ANKRD36: variants seen among roughly 807,000 people sequenced by gnomAD.
ANKRD36 encodes the protein ankyrin repeat domain-containing protein 36A.
ANKRD36 carries 179 observed loss-of-function variants against 278.1 expected under a neutral mutation model. That is an observed-to-expected ratio of 0.64 (90% CI 0.57 to 0.73). The LOEUF is 0.73. Among genes scored for constraint, ANKRD36 ranks in the 30% least tolerant of loss-of-function variants. The pLI is 0.00. For synonymous variants in ANKRD36, 320 were observed against 641.1 expected (o/e 0.50, Z 7.57); for missense variants, 1,159 against 1,956.7 (o/e 0.59, Z 7.69).
At chr2:97,184,835 G>A (rs1425335936) in intron 28 of ANKRD36, among the ~76,000 whole-genome samples, 1 of 151,752 alleles carries the variant, frequency 6.6e-6, no homozygotes, top group Non-Finnish European at 1.5e-5. Context: ...GACGTGAAGT[G>A]TACATTCATC....
intron 66 of ANKRD36, among the ~76,000 whole-genome samples, chr2:97,220,777 T>TTTTTTTTTTTTTTTTTTTAA (rs2067368758): frequency 1.1e-5 from 1 of 94,508 alleles, no homozygotes; most frequent in African/African-American, 8.6e-5. Context: ...TTTTTTTAAT[T>TTTTTTTTTTTTTTTTTTTAA]TTTTTTTTTT....
chr2:97,190,633 T>G (rs1296079425), intron 34 of ANKRD36, among the ~76,000 whole-genome samples: 1 of 151,606 alleles, frequency 6.6e-6, no homozygotes, highest in Non-Finnish European at 1.5e-5. Flanking sequence ...TAGCACCTGC[T>G]TTGACATTGA....
In ANKRD36 at chr2:97,217,805, T is replaced by C. The variant is rs367618460; in HGVS notation, c.3775+433T>C. 3.8e-4 allele frequency among the ~76,000 whole-genome samples: 57 copies of C among 151,694 alleles called. No individual in the cohort carries two copies. In the East Asian group the frequency reaches 0.011, roughly 29 times the overall value. Reference sequence around the variant, plus strand: ...AAACACTGGAGAATGAGGAGCAAGGTGACCACTGATGTAGTAATTATTTTC... The same window carrying C: ...AAACACTGGAGAATGAGGAGCAAGGCGACCACTGATGTAGTAATTATTTTC... On this transcript the variant is annotated intron_variant, in intron 64 of 75. Transcript: ENST00000420699.
intron 62 of ANKRD36, 155 bp downstream of exon 62, chr2:97,215,652 G>T: frequency 6.5e-7 from 1 of 1,544,046 alleles, no homozygotes; most frequent in Middle Eastern, 1.7e-4. Flanking sequence ...TGACCCTGAT[G>T]GTGCTGGTCC....
At chr2:97,206,875 T>C (rs1399675359) in intron 52 of ANKRD36, among the ~76,000 whole-genome samples, 5 of 151,474 alleles carry the variant, frequency 3.3e-5, no homozygotes, top group East Asian at 1.9e-4. Flanking sequence ...AATACATTGG[T>C]TTCCTTGTTC....
chr2:97,172,214 T>C (rs1255771047), intron 22 of ANKRD36, among the ~76,000 whole-genome samples: 1 of 151,828 alleles, frequency 6.6e-6, no homozygotes, highest in African/African-American at 2.4e-5. Context: ...CTTGATTTTG[T>C]ATATTAAAAA....
At chr2:97,178,133 A>G (rs902402260) in intron 22 of ANKRD36, among the ~76,000 whole-genome samples, 57 of 151,012 alleles carry the variant, frequency 3.8e-4, no homozygotes, top group African/African-American at 1.4e-3. Context: ...ATGAGATACC[A>G]TCTCACACCA....
Position 97,264,497 on chromosome 2 carries a change from G to A in ANKRD36, c.*175G>A, listed in dbSNP as rs879712900. ...AGGAAAATTGTGAAAATAATCAGCA[G>A]CCGGATGTGGATAACCCTTTCAAAT... is the stretch of plus-strand genomic sequence containing the variant. On this transcript the variant is annotated 3_prime_UTR_variant, in exon 76 of 76. Coordinates refer to ENST00000420699, the MANE Select transcript of ANKRD36 (RefSeq NM_001354587.1). The A allele has an allele frequency of 0.092, 5,682 of 61,436 alleles. 113 individuals are homozygous for A. Among genetic ancestry groups the A allele is most frequent in the African/African-American group, 0.27 (768 of 2,872 alleles). The allele number at this position is 61,436 out of a possible 1,614,324, so 3.8% of individuals were successfully genotyped here. A position where few individuals can be genotyped will look rare whatever the true frequency, so the allele number is the denominator to read the frequency against.
intron 67 of ANKRD36, among the ~76,000 whole-genome samples, chr2:97,230,081 CA>C (rs2071396786): frequency 6.6e-6 from 1 of 152,104 alleles, no homozygotes; most frequent in South Asian, 2.1e-4. Flanking sequence ...TTTTTTCCTT[CA>C]TTTCAACTTT....
chr2:97,118,290 A>C (rs1385829417), intron 2 of ANKRD36, 54 bp from the exon 3 acceptor site: 19 of 1,611,006 alleles, frequency 1.2e-5, no homozygotes, highest in Non-Finnish European at 1.5e-5. Flanking sequence ...AATCCTACGG[A>C]GTGTTTATTT....
At chr2:97,207,045 A>G (rs956474994) in intron 52 of ANKRD36, among the ~76,000 whole-genome samples, 1 of 151,584 alleles carries the variant, frequency 6.6e-6, no homozygotes, top group Non-Finnish European at 1.5e-5. Flanking sequence ...TTTCTGAATG[A>G]AAAACTGATC....
chr2:97,226,737 T>C (rs1427843208), intron 67 of ANKRD36, among the ~76,000 whole-genome samples: 3 of 151,714 alleles, frequency 2.0e-5, no homozygotes, highest in African/African-American at 4.8e-5. Context: ...TAGGTTTTCT[T>C]CTAGGGTTTT....
intron 38 of ANKRD36, among the ~76,000 whole-genome samples, chr2:97,194,510 T>C (rs77475041): frequency 6.6e-6 from 1 of 151,606 alleles, no homozygotes; most frequent in South Asian, 2.1e-4. Flanking sequence ...AAAATCATAC[T>C]GTGTTTGAAA....
chr2:97,139,377 A>G (rs1440836041), intron 6 of ANKRD36, among the ~76,000 whole-genome samples: 1 of 152,164 alleles, frequency 6.6e-6, no homozygotes, highest in Admixed American at 6.6e-5. Flanking sequence ...CCTAGATAAC[A>G]TGTAGAACTT....
intron 15 of ANKRD36, among the ~76,000 whole-genome samples, chr2:97,155,486 C>T (rs557793049): frequency 6.8e-6 from 1 of 146,412 alleles, no homozygotes; most frequent in South Asian, 2.1e-4. Context: ...ATTCTGTTCT[C>T]AGATCTACAG....
At chr2:97,151,520 T>C (rs1300437177) in intron 12 of ANKRD36, among the ~76,000 whole-genome samples, 1 of 152,368 alleles carries the variant, frequency 6.6e-6, no homozygotes, top group East Asian at 1.9e-4. Flanking sequence ...TGAAAAATAA[T>C]GTGATTAATT....
At chr2:97,188,566 A>G (rs2057921925) in intron 32 of ANKRD36, among the ~76,000 whole-genome samples, 1 of 127,072 alleles carries the variant, frequency 7.9e-6, no homozygotes, top group African/African-American at 2.5e-5. Flanking sequence ...AAGGTGATCA[A>G]TTTAGGACAC....
chr2:97,196,165 G>A (rs1236183515), intron 40 of ANKRD36, among the ~76,000 whole-genome samples: 1 of 151,972 alleles, frequency 6.6e-6, no homozygotes, highest in Non-Finnish European at 1.5e-5. Context: ...GCATGTTAAA[G>A]AGCATGATGA....
chr2:97,196,946 T>A (rs1228152136), intron 42 of ANKRD36, among the ~76,000 whole-genome samples, 158 bp downstream of exon 42: 1 of 151,932 alleles, frequency 6.6e-6, no homozygotes, highest in African/African-American at 2.4e-5. Context: ...ATGCTGATGC[T>A]GCTGGTCTGG....
Sources: allele counts gnomAD v4.1 joint callset (sites outside exome capture counted in the v4.1 genomes callset), GRCh38; gene constraint gnomAD v4.1.1; transcripts MANE v1.5; gene names NCBI Gene and HGNC (gene_info 2026-07-23, HGNC 2026-07-21).